The following TMC1 variants were observed in gnomAD, a reference collection of about 807,000 sequenced individuals.
TMC1 encodes transmembrane channel-like protein 1.
Under a neutral mutation model 105.8 loss-of-function variants are expected in TMC1, and 84 were observed. The ratio of observed to expected loss-of-function variants is 0.79; its 90% CI spans 0.67 to 0.95. The LOEUF (loss-of-function observed/expected upper bound fraction) is 0.95, where lower values mean the gene tolerates loss of function less well. TMC1 is among the 40% of genes least tolerant of loss of function. The pLI is 0.00. For missense variants in TMC1, 817 were observed against 914.1 expected (o/e 0.89, Z 1.37); for synonymous variants, 315 against 311.5 (o/e 1.01, Z -0.12).
At chr9:72,698,061 A>C (rs1376660615) in intron 7 of TMC1, among the ~76,000 whole-genome samples, 1 of 152,104 alleles carries the variant, frequency 6.6e-6, no homozygotes, top group Non-Finnish European at 1.5e-5. Flanking sequence ...AAAATTGTGG[A>C]TATAGATAGA....
intron 1 of TMC1, among the ~76,000 whole-genome samples, chr9:72,546,862 A>G (rs1224950944): frequency 2.0e-5 from 3 of 152,174 alleles, no homozygotes; most frequent in East Asian, 1.9e-4. Flanking sequence ...TAATACTTCA[A>G]AAGTTGGTAC....
At position 72,792,062 on chromosome 9, in the gene TMC1, C is replaced by A; in HGVS notation, c.1401C>A (p.Asn467Lys). 6.2e-7 allele frequency: 1 copy of A among 1,614,092 alleles called. No individual in the cohort carries two copies. The highest frequency in any genetic ancestry group is 2.2e-5 in the East Asian group (1 of 44,882). ...TTGCATTAATGGATGAGATTAACAA[C>A]AAGGTAAGCCTTGTTTCTGGATTGT... ...FILALMDEIN[N>K]KIEEEKLVKA... The change falls in exon 16 of 24, where the codon AAC (asparagine) becomes AAA (lysine). Residue 467 changes from asparagine to lysine, a missense_variant. Asn to Lys is a moderately conservative substitution (Grantham distance 94). Coordinates refer to ENST00000297784, the MANE Select transcript of TMC1 (RefSeq NM_138691.3).
intron 1 of TMC1, among the ~76,000 whole-genome samples, chr9:72,522,140 C>G (rs889274783): frequency 7.7e-6 from 1 of 129,500 alleles, no homozygotes; most frequent in African/African-American, 3.2e-5. Flanking sequence ...AGCATGTCAC[C>G]CAGTAATTGA....
chr9:72,756,738 A>G (rs1827682033), intron 12 of TMC1, among the ~76,000 whole-genome samples: 1 of 152,328 alleles, frequency 6.6e-6, no homozygotes, highest in South Asian at 2.1e-4. Flanking sequence ...ATTTTTATAT[A>G]TAGATTTCTG....
intron 5 of TMC1, among the ~76,000 whole-genome samples, chr9:72,668,485 C>G (rs1188483132): frequency 1.3e-5 from 2 of 152,166 alleles, no homozygotes; most frequent in African/African-American, 4.8e-5. Flanking sequence ...CTTCTGTTTT[C>G]TTCTCTGTAC....
intron 3 of TMC1, among the ~76,000 whole-genome samples, chr9:72,617,943 GTGTGTGTA>G (rs1009167424): frequency 2.1e-5 from 3 of 141,756 alleles, no homozygotes; most frequent in Non-Finnish European, 3.1e-5. Flanking sequence ...GTGTGTGTGT[GTGTGTGTA>G]TGTGTGATTT....
intron 18 of TMC1, among the ~76,000 whole-genome samples, chr9:72,812,023 A>G (rs1828714452): frequency 6.6e-6 from 1 of 152,238 alleles, no homozygotes; most frequent in Admixed American, 6.5e-5. Context: ...GGTTAGTGGT[A>G]GAGTTAGGCC....
chr9:72,563,077 A>G (rs1011319192), intron 1 of TMC1, among the ~76,000 whole-genome samples: 49 of 106,162 alleles, frequency 4.6e-4, no homozygotes, highest in African/African-American at 2.4e-3. Flanking sequence ...AGATTTACAA[A>G]CATAGAGTAC....
At chr9:72,807,431 G>C (rs533838530) in intron 18 of TMC1, among the ~76,000 whole-genome samples, 3 of 152,320 alleles carry the variant, frequency 2.0e-5, no homozygotes, top group African/African-American at 7.2e-5. Context: ...ATGCAGAGAA[G>C]TTCAGACTCG....
Position 72,628,057 on chromosome 9 carries a change from A to C in TMC1, c.-59A>C, listed in dbSNP as rs1441271555. The C allele has an allele frequency of 8.8e-6, 4 of 455,818 alleles. No individual in the cohort carries two copies. The highest frequency in any genetic ancestry group is 1.8e-5 in the Non-Finnish European group (4 of 226,798). 28.2% of individuals were successfully genotyped at this position (455,818 alleles called of 1,614,324 possible). A position where few individuals can be genotyped will look rare whatever the true frequency, so the allele number is the denominator to read the frequency against. On this transcript the variant is annotated 5_prime_UTR_variant, in exon 4 of 24. Coordinates refer to ENST00000297784, the MANE Select transcript of TMC1 (RefSeq NM_138691.3). ...TGGTGAATGCTTAAGGAGCTGCAGA[A>C]GGGAAGGTAGTGAGGAGACAGTTAA... is the stretch of plus-strand genomic sequence containing the variant.
intron 4 of TMC1, among the ~76,000 whole-genome samples, chr9:72,632,339 G>T (rs1433580756): frequency 1.3e-5 from 2 of 152,060 alleles, no homozygotes; most frequent in Non-Finnish European, 2.9e-5. Context: ...CTCCCACTAG[G>T]CCCACCTCCA....
At chr9:72,535,016 C>CA (rs1331656230) in intron 1 of TMC1, among the ~76,000 whole-genome samples, 1 of 149,926 alleles carries the variant, frequency 6.7e-6, no homozygotes, top group Non-Finnish European at 1.5e-5. Flanking sequence ...CTGATTCTTA[C>CA]ACAAAGGCAG....
chr9:72,725,456 T>A (rs2117962995), intron 8 of TMC1, among the ~76,000 whole-genome samples: 1 of 150,686 alleles, frequency 6.6e-6, no homozygotes, highest in African/African-American at 2.4e-5. Context: ...AACGGCTGTC[T>A]GCAAGCTGAG....
chr9:72,541,361 A>G (rs1823673079), intron 1 of TMC1, among the ~76,000 whole-genome samples: 1 of 152,208 alleles, frequency 6.6e-6, no homozygotes, highest in Non-Finnish European at 1.5e-5. Flanking sequence ...CTGAATAAGT[A>G]TTTGTCTGAA....
intron 12 of TMC1, 26 bp from the exon 13 acceptor site, chr9:72,772,386 CT>C: frequency 2.5e-6 from 4 of 1,613,606 alleles, no homozygotes; most frequent in Non-Finnish European, 3.4e-6. Context: ...ACGACAACTG[CT>C]AAGTGGCTTT....
At chr9:72,721,104 T>C (rs925574391) in intron 8 of TMC1, among the ~76,000 whole-genome samples, 3 of 152,218 alleles carry the variant, frequency 2.0e-5, no homozygotes, top group Admixed American at 1.3e-4. Flanking sequence ...GCTCTAAATA[T>C]GCCTCATTGA....
At chr9:72,554,470 C>G (rs1002023234) in intron 1 of TMC1, among the ~76,000 whole-genome samples, 2 of 152,106 alleles carry the variant, frequency 1.3e-5, no homozygotes, top group African/African-American at 4.8e-5. Flanking sequence ...GCTGGAAATA[C>G]CAGGGCAAAA....
intron 2 of TMC1, among the ~76,000 whole-genome samples, chr9:72,588,662 G>A (rs943778844): frequency 3.3e-5 from 5 of 152,132 alleles, no homozygotes; most frequent in African/African-American, 9.7e-5. Context: ...AGTTGTAGAG[G>A]CCAATTTTAA....
intron 18 of TMC1, among the ~76,000 whole-genome samples, chr9:72,813,588 C>A (rs1019633254): frequency 6.6e-6 from 1 of 152,144 alleles, no homozygotes; most frequent in African/African-American, 2.4e-5. Context: ...CATGGTGTCT[C>A]TATTATAACT....
Sources: allele counts gnomAD v4.1 joint callset (sites outside exome capture counted in the v4.1 genomes callset), GRCh38; gene constraint gnomAD v4.1.1; transcripts MANE v1.5; gene names NCBI Gene and HGNC (gene_info 2026-07-23, HGNC 2026-07-21).